The following TNFRSF11A variants were observed in gnomAD, a reference collection of about 807,000 sequenced individuals.
TNFRSF11A encodes the protein TNF receptor superfamily member 11a.
A neutral mutation model predicts 55.7 loss-of-function variants in TNFRSF11A; 32 were observed. That is an observed-to-expected ratio of 0.57 (90% CI 0.43 to 0.77). The LOEUF (loss-of-function observed/expected upper bound fraction) is 0.77, where lower values mean the gene tolerates loss of function less well. Among genes scored for constraint, TNFRSF11A ranks in the 30% least tolerant of loss-of-function variants. The pLI, the probability that TNFRSF11A is intolerant of heterozygous loss-of-function variation, is 0.00. For synonymous variants in TNFRSF11A, 311 were observed against 331.0 expected (o/e 0.94, Z 0.65); for missense variants, 753 against 809.8 (o/e 0.93, Z 0.85).
At chr18:62,375,445 A>G (rs535487472) in intron 9 of TNFRSF11A, among the ~76,000 whole-genome samples, 1 of 152,352 alleles carries the variant, frequency 6.6e-6, no homozygotes, top group African/African-American at 2.4e-5. Flanking sequence ...CCCATATTTA[A>G]TAAAAATCCC....
At chr18:62,364,463 T>C (rs1303872091) in intron 7 of TNFRSF11A, among the ~76,000 whole-genome samples, 1 of 151,786 alleles carries the variant, frequency 6.6e-6, no homozygotes, top group Admixed American at 6.6e-5. Flanking sequence ...ACAGTGAGAG[T>C]AGATGCAGGC....
chr18:62,354,415 C>A lies in TNFRSF11A; in HGVS notation c.308C>A (p.Ala103Asp). 1 of 1,589,314 alleles carries A rather than the reference C, an allele frequency of 6.3e-7. No individual in the cohort carries two copies. Among genetic ancestry groups the A allele is most frequent in the Non-Finnish European group, 8.5e-7 (1 of 1,173,462 alleles). ...GGCAAGGCCCTGGTGGCCGTGGTCG[C>A]CGGCAACAGCACGACCCCCCGGCGC... Reference protein sequence around the residue: ...DTGKALVAVVAGNSTTPRRCA... With the variant: ...DTGKALVAVVDGNSTTPRRCA... The change falls in exon 4 of 10, where the codon GCC (alanine) becomes GAC (aspartate). Residue 103 changes from alanine (A) to aspartate (D), a missense_variant. This residue lies in a region of TNFRSF11A where 156 missense variants were observed against 155.1 expected (regional missense o/e 1.01). Transcript: ENST00000586569.
intron 9 of TNFRSF11A, among the ~76,000 whole-genome samples, chr18:62,370,240 T>C (rs906147392): frequency 6.6e-5 from 10 of 152,184 alleles, no homozygotes; most frequent in African/African-American, 2.4e-4. Context: ...TACAAAGGAC[T>C]TTGCAGCTGA....
chr18:62,341,197 C>G (rs2046305740), intron 1 of TNFRSF11A, among the ~76,000 whole-genome samples: 1 of 152,246 alleles, frequency 6.6e-6, no homozygotes, highest in African/African-American at 2.4e-5. Flanking sequence ...GTGGAACTGA[C>G]TGAACCCCCA....
At chr18:62,332,549 C>T (rs2046170460) in intron 1 of TNFRSF11A, among the ~76,000 whole-genome samples, 1 of 152,152 alleles carries the variant, frequency 6.6e-6, no homozygotes, top group African/African-American at 2.4e-5. Context: ...TCTAACAGAC[C>T]TAAATCTAAC....
At chr18:62,378,789 T>C (rs978665094) in intron 9 of TNFRSF11A, among the ~76,000 whole-genome samples, 20 of 152,228 alleles carry the variant, frequency 1.3e-4, no homozygotes, top group Admixed American at 5.2e-4. Flanking sequence ...AGTTAGGTGG[T>C]TTGTTCCAAA....
chr18:62,331,739 A>G (rs1228591230), intron 1 of TNFRSF11A, among the ~76,000 whole-genome samples: 1 of 152,362 alleles, frequency 6.6e-6, no homozygotes, highest in Non-Finnish European at 1.5e-5. Flanking sequence ...AGCAGTGTTT[A>G]TGTTGGACCA....
At position 62,386,013 on chromosome 18, in the gene TNFRSF11A, T is replaced by A. The variant is rs1911708949; in HGVS notation, c.*979T>A. 6.6e-6 allele frequency: 1 copy of A among 152,236 alleles called. No homozygotes were observed. The highest frequency in any genetic ancestry group is 2.4e-5 in the African/African-American group (1 of 41,466). The allele number at this position is 152,236 out of a possible 1,614,324, so 9.4% of individuals were successfully genotyped here. ...GGAAACCCGATTTATTTCTCCTGAA[T>A]CTTTTTAAGTTTGTGTCGTTCCTTA... is the stretch of plus-strand genomic sequence containing the variant. On this transcript the variant is annotated 3_prime_UTR_variant, in exon 10 of 10. Coordinates refer to ENST00000586569, the MANE Select transcript of TNFRSF11A (RefSeq NM_003839.4).
At chr18:62,336,011 G>A (rs2046227433) in intron 1 of TNFRSF11A, among the ~76,000 whole-genome samples, 1 of 152,184 alleles carries the variant, frequency 6.6e-6, no homozygotes, top group Non-Finnish European at 1.5e-5. Context: ...CAAGCACAGT[G>A]CCTGGCACGT....
chr18:62,333,659 G>A (rs1384570942), intron 1 of TNFRSF11A, among the ~76,000 whole-genome samples: 3 of 152,142 alleles, frequency 2.0e-5, no homozygotes, highest in Non-Finnish European at 1.5e-5. Context: ...ACCAGGCAGC[G>A]CTCCAGTGAC....
chr18:62,382,013 A>G (rs995948640), intron 9 of TNFRSF11A, among the ~76,000 whole-genome samples: 6 of 146,538 alleles, frequency 4.1e-5, no homozygotes, highest in South Asian at 4.3e-4. Flanking sequence ...TCTCTTAAAT[A>G]TTTTTTTACT....
chr18:62,336,954 G>A (rs1165685391), intron 1 of TNFRSF11A, among the ~76,000 whole-genome samples: 1 of 152,170 alleles, frequency 6.6e-6, no homozygotes, highest in African/African-American at 2.4e-5. Context: ...ACCATTGATG[G>A]GCGCCTGAGT....
chr18:62,362,010 C>T lies in TNFRSF11A; in HGVS notation c.730+217C>T, dbSNP rs186683794. 2.6e-5 allele frequency among the ~76,000 whole-genome samples: 4 copies of T among 152,306 alleles called. No homozygotes were observed. In the East Asian group the frequency reaches 5.8e-4, roughly 22 times the overall value. ...AGTTGTATATAAGGGAACAGGAATA[C>T]GCTGGCGTTCAGGAAACGGATGACT... On this transcript the variant is annotated intron_variant, in intron 7 of 9. Transcript: ENST00000586569.
chr18:62,346,692 G>A (rs1390585551), intron 1 of TNFRSF11A, among the ~76,000 whole-genome samples: 1 of 152,208 alleles, frequency 6.6e-6, no homozygotes, highest in Non-Finnish European at 1.5e-5. Context: ...GGTCCGTGAT[G>A]GCTGTGTGCC....
At chr18:62,381,916 C>T (rs187499579) in intron 9 of TNFRSF11A, among the ~76,000 whole-genome samples, 133 of 152,216 alleles carry the variant, frequency 8.7e-4, no homozygotes, top group Non-Finnish European at 1.6e-3. Context: ...GCTACGCCTA[C>T]TTCTGTTGCT....
At position 62,348,246 on chromosome 18, in the gene TNFRSF11A, C is replaced by G; in HGVS notation, c.154C>G (p.Pro52Ala). The G allele has an allele frequency of 6.2e-7, 1 of 1,613,720 alleles. No individual in the cohort carries two copies. The change falls in exon 2 of 10, where the codon CCA becomes GCA. Residue 52 changes from proline to alanine, a missense_variant. Coordinates refer to ENST00000586569, the MANE Select transcript of TNFRSF11A (RefSeq NM_003839.4). Reference sequence around the variant, plus strand: ...GGGACGGTGCTGTAACAAATGTGAACCAGGTACACCTGCTTCTGAGCCACC... The same window carrying G: ...GGGACGGTGCTGTAACAAATGTGAAGCAGGTACACCTGCTTCTGAGCCACC... ...HLGRCCNKCE[P>A]GKYMSSKCTT...
intron 1 of TNFRSF11A, among the ~76,000 whole-genome samples, chr18:62,333,993 G>A (rs560874574): frequency 3.3e-5 from 5 of 152,136 alleles, no homozygotes; most frequent in Non-Finnish European, 7.4e-5. Flanking sequence ...AGCCTCCCGA[G>A]TAGCTGGGAT....
chr18:62,326,587 A>G (rs1036279604), intron 1 of TNFRSF11A, among the ~76,000 whole-genome samples: 2 of 152,226 alleles, frequency 1.3e-5, no homozygotes, highest in African/African-American at 4.8e-5. Flanking sequence ...CTAGCCACCT[A>G]AGAAAAACCT....
chr18:62,384,216 T>C (rs1355593905), intron 9 of TNFRSF11A, among the ~76,000 whole-genome samples: 1 of 152,140 alleles, frequency 6.6e-6, no homozygotes, highest in Non-Finnish European at 1.5e-5. Flanking sequence ...GCCCCTAGGC[T>C]TGCTCGTTTC....
Sources: gnomAD v4.1 joint callset for allele counts (sites outside exome capture counted in the v4.1 genomes callset) on GRCh38, gnomAD v4.1.1 for gene constraint, gnomAD v4.1.1 regional missense constraint, MANE v1.5 for transcripts, NCBI Gene and HGNC (gene_info 2026-07-23, HGNC 2026-07-21) for gene names.